The following CDC14A variants were observed in gnomAD, a reference collection of about 807,000 sequenced individuals.
The protein encoded by CDC14A is cell division cycle 14A.
A neutral mutation model predicts 74.4 loss-of-function variants in CDC14A; 53 were observed. The ratio of observed to expected loss-of-function variants is 0.71; its 90% CI spans 0.57 to 0.89. The LOEUF (loss-of-function observed/expected upper bound fraction) is 0.89, where lower values mean the gene tolerates loss of function less well. CDC14A is among the 40% of genes least tolerant of loss of function. The pLI, the probability that CDC14A is intolerant of heterozygous loss-of-function variation, is 0.00. For synonymous variants in CDC14A, 247 were observed against 258.4 expected, an observed-to-expected ratio of 0.96 and a Z score of 0.43; for missense variants, 646 against 713.7, an observed-to-expected ratio of 0.91 and a Z score of 1.08.
At chr1:100,456,613 T>G (rs1666721293) in intron 8 of CDC14A, among the ~76,000 whole-genome samples, 1 of 151,232 alleles carries the variant, frequency 6.6e-6, no homozygotes, top group Admixed American at 6.6e-5. Flanking sequence ...AAGACCAGCC[T>G]CGGCAACATA....
chr1:100,412,728 T>TATATATATATATATATATAAAAA (rs1557732405), intron 4 of CDC14A, among the ~76,000 whole-genome samples: 4 of 98,202 alleles, frequency 4.1e-5, no homozygotes, highest in Non-Finnish European at 7.8e-5. Flanking sequence ...ATATATTTTA[T>TATATATATATATATATATAAAAA]ATATATATAT....
At chr1:100,466,888 A>AG (rs58131629) in intron 9 of CDC14A, among the ~76,000 whole-genome samples, 1 of 150,646 alleles carries the variant, frequency 6.6e-6, no homozygotes, top group African/African-American at 2.5e-5. Context: ...AAAAAAAAAA[A>AG]AAGAAGGGTT....
At chr1:100,410,694 A>T (rs1660573552) in intron 4 of CDC14A, among the ~76,000 whole-genome samples, 1 of 152,356 alleles carries the variant, frequency 6.6e-6, no homozygotes, top group East Asian at 1.9e-4. Context: ...AGTATATTAG[A>T]CTTTACACAT....
At chr1:100,426,756 A>C (rs1472943617) in intron 5 of CDC14A, among the ~76,000 whole-genome samples, 1 of 152,190 alleles carries the variant, frequency 6.6e-6, no homozygotes, top group Non-Finnish European at 1.5e-5. Flanking sequence ...GAAGATATGC[A>C]CCCATTTCCT....
At chr1:100,505,122 A>G (rs937325133) in intron 15 of CDC14A, 1 of 185,756 alleles carries the variant, frequency 5.4e-6, no homozygotes, top group Non-Finnish European at 1.0e-5. Flanking sequence ...TACCGGTCAC[A>G]GGAGGGAATT....
intron 4 of CDC14A, among the ~76,000 whole-genome samples, chr1:100,395,603 T>G (rs1658361381): frequency 6.6e-6 from 1 of 152,226 alleles, no homozygotes; most frequent in African/African-American, 2.4e-5. Flanking sequence ...TGTTGTCTCC[T>G]TTTTATATTC....
intron 2 of CDC14A, among the ~76,000 whole-genome samples, chr1:100,371,209 A>G (rs1487624745): frequency 6.6e-6 from 1 of 152,208 alleles, no homozygotes; most frequent in East Asian, 1.9e-4. Flanking sequence ...TGGCAGAGTC[A>G]TTAGGATTTT....
At chr1:100,351,617 TC>T, upstream of CDC14A, 1 of 715,566 alleles carries the variant, frequency 1.4e-6, no homozygotes, top group Non-Finnish European at 2.4e-6. Context: ...CTCCTCTCTC[TC>T]CTGTTCCCTC....
chr1:100,477,634 T>C (rs1669048858), intron 10 of CDC14A, among the ~76,000 whole-genome samples: 1 of 152,040 alleles, frequency 6.6e-6, no homozygotes, highest in Non-Finnish European at 1.5e-5. Context: ...AACAAGGCTT[T>C]GAAGACTAAC....
chr1:100,351,460 C>T (rs1351042710), upstream of CDC14A, among the ~76,000 whole-genome samples: 2 of 152,360 alleles, frequency 1.3e-5, no homozygotes, highest in South Asian at 2.1e-4. Flanking sequence ...TTAGGACGCC[C>T]AGCGTTCAAG....
At chr1:100,366,600 G>A (rs1557684335) in intron 2 of CDC14A, among the ~76,000 whole-genome samples, 1 of 152,178 alleles carries the variant, frequency 6.6e-6, no homozygotes, top group South Asian at 2.1e-4. Context: ...CTGCACCTGT[G>A]GGGTGGTGGG....
chr1:100,469,309 A>G (rs1483723050), intron 10 of CDC14A, among the ~76,000 whole-genome samples: 1 of 152,232 alleles, frequency 6.6e-6, no homozygotes, highest in East Asian at 1.9e-4. Flanking sequence ...GAAGTGCTGA[A>G]AAATGAGTGG....
chr1:100,359,145 T>C (rs1363712012), intron 2 of CDC14A, among the ~76,000 whole-genome samples: 1 of 152,144 alleles, frequency 6.6e-6, no homozygotes, highest in Non-Finnish European at 1.5e-5. Flanking sequence ...AATAAAGCCA[T>C]AGCAACAACA....
intron 4 of CDC14A, among the ~76,000 whole-genome samples, chr1:100,409,789 G>C (rs942142536): frequency 6.6e-6 from 1 of 152,194 alleles, no homozygotes; most frequent in African/African-American, 2.4e-5. Context: ...GACCCATCCT[G>C]TTCAAAGAAT....
chr1:100,366,390 G>T (rs1334043952), intron 2 of CDC14A, among the ~76,000 whole-genome samples: 3 of 152,216 alleles, frequency 2.0e-5, no homozygotes, highest in Admixed American at 2.0e-4. Flanking sequence ...AGCTTCTAAT[G>T]TGTAGAATAA....
chr1:100,362,956 G>A (rs1652967618), intron 2 of CDC14A, among the ~76,000 whole-genome samples: 1 of 152,212 alleles, frequency 6.6e-6, no homozygotes, highest in South Asian at 2.1e-4. Flanking sequence ...AGACAGAGGA[G>A]TCCAAAGGGA....
At chr1:100,351,783 C>A (rs1307904051), upstream of CDC14A, 2 of 1,550,460 alleles carry the variant, frequency 1.3e-6, no homozygotes, top group African/African-American at 2.7e-5. Context: ...CCCGTGAGAA[C>A]AAAGTACAAG....
At chr1:100,392,572 G>C (rs974082748) in intron 4 of CDC14A, among the ~76,000 whole-genome samples, 4 of 152,054 alleles carry the variant, frequency 2.6e-5, no homozygotes, top group Admixed American at 1.3e-4. Context: ...AGTTATCTAT[G>C]ATGATGATGG....
At chr1:100,477,366 T>G (rs1669004427) in intron 10 of CDC14A, among the ~76,000 whole-genome samples, 1 of 151,822 alleles carries the variant, frequency 6.6e-6, no homozygotes. Context: ...TTGGAGTATT[T>G]AATTCCAAAT....
Sources: allele counts gnomAD v4.1 joint callset (sites outside exome capture counted in the v4.1 genomes callset), GRCh38; gene constraint gnomAD v4.1.1; transcripts MANE v1.5; gene names NCBI Gene and HGNC (gene_info 2026-07-23, HGNC 2026-07-21).